DDO: variants seen among roughly 807,000 people sequenced by gnomAD.
The protein encoded by DDO is D-aspartate oxidase, DDO.
In DDO, 16 loss-of-function variants were observed where a neutral mutation model predicts 16.8. The observed-to-expected ratio is 0.95, with a 90% confidence interval of 0.65 to 1.45. DDO has a LOEUF of 1.45. Among genes scored for constraint, DDO ranks in the 40% most tolerant of loss-of-function variants. The pLI is 0.00. For missense variants in DDO, 429 were observed against 420.3 expected (o/e 1.02, Z -0.18); for synonymous variants, 180 against 167.2 (o/e 1.08, Z -0.59).
intron 4 of DDO, among the ~76,000 whole-genome samples, chr6:110,397,221 T>A (rs1302274779): frequency 6.6e-6 from 1 of 152,320 alleles, no homozygotes; most frequent in Non-Finnish European, 1.5e-5. Flanking sequence ...CTTTTATTTT[T>A]AAAAAAGTGC....
intron 3 of DDO, among the ~76,000 whole-genome samples, chr6:110,408,046 GT>G (rs545911020): frequency 6.6e-6 from 1 of 152,124 alleles, no homozygotes; most frequent in Non-Finnish European, 1.5e-5. Flanking sequence ...CCTCCTGCGT[GT>G]TTTTTTAACC....
At chr6:110,399,515 C>T (rs2114817676) in intron 4 of DDO, among the ~76,000 whole-genome samples, 1 of 152,334 alleles carries the variant, frequency 6.6e-6, no homozygotes, top group East Asian at 1.9e-4. Context: ...CCCCAGGTGT[C>T]GCCCCCTCAC....
intron 4 of DDO, among the ~76,000 whole-genome samples, chr6:110,393,962 G>C (rs1355895628): frequency 6.6e-6 from 1 of 152,154 alleles, no homozygotes; most frequent in Non-Finnish European, 1.5e-5. Flanking sequence ...AGTACCTGTA[G>C]TCTTTATTTA....
intron 4 of DDO, among the ~76,000 whole-genome samples, chr6:110,398,882 A>G (rs1773382347): frequency 6.6e-6 from 1 of 152,218 alleles, no homozygotes; most frequent in South Asian, 2.1e-4. Flanking sequence ...AGGATAAGGC[A>G]TGGCCTCTTG....
intron 4 of DDO, among the ~76,000 whole-genome samples, chr6:110,404,317 T>C (rs1346372490): frequency 3.3e-5 from 5 of 152,056 alleles, no homozygotes; most frequent in Non-Finnish European, 7.4e-5. Flanking sequence ...CAAAAGGAAA[T>C]AATGAAATTT....
At chr6:110,407,259 C>T (rs1773689308) in intron 3 of DDO, among the ~76,000 whole-genome samples, 2 of 152,102 alleles carry the variant, frequency 1.3e-5, no homozygotes, top group African/African-American at 4.8e-5. Flanking sequence ...AAGAGTGTGA[C>T]CGTAAATCAA....
intron 4 of DDO, among the ~76,000 whole-genome samples, chr6:110,403,743 AT>A: frequency 6.6e-6 from 1 of 152,296 alleles, no homozygotes. Context: ...TCTGTACTTT[AT>A]TTTACCATGT....
At position 110,413,411 on chromosome 6, in the gene DDO, T is replaced by G; in HGVS notation, c.52A>C (p.Thr18Pro). ...ACCAGTTTGGAGATGCACACAGCCG[T>G]GGAGAGCCCCACCACACCTGCCCCG... ...VVGAGVVGLS[T>P]AVCISKLVPR... The change falls in exon 2 of 5, where the codon ACG becomes CCG. Residue 18 changes from threonine (T) to proline (P), a missense_variant. Physicochemically the swap from Thr to Pro is conservative, Grantham distance 38. Transcript: ENST00000368924. 6.2e-7 allele frequency: 1 copy of G among 1,613,972 alleles called. No homozygotes were observed. Among genetic ancestry groups the G allele is most frequent in the Non-Finnish European group, 8.5e-7 (1 of 1,180,012 alleles).
intron 2 of DDO, among the ~76,000 whole-genome samples, chr6:110,408,663 A>T (rs1365260313): frequency 6.6e-6 from 1 of 152,238 alleles, no homozygotes; most frequent in Non-Finnish European, 1.5e-5. Context: ...ATCTGCTCAT[A>T]TGATTAATCA....
chr6:110,399,318 T>C (rs947678195), intron 4 of DDO, among the ~76,000 whole-genome samples: 7 of 152,380 alleles, frequency 4.6e-5, no homozygotes, highest in Admixed American at 1.3e-4. Flanking sequence ...CTGAAGCCAT[T>C]GCTGTGTGGC....
chr6:110,410,396 C>T (rs764235055), intron 2 of DDO, among the ~76,000 whole-genome samples: 7 of 152,344 alleles, frequency 4.6e-5, no homozygotes, highest in Admixed American at 2.6e-4. Context: ...CAAGAACTCT[C>T]GTCACAAGAA....
chr6:110,399,205 A>G (rs1270710085), intron 4 of DDO, among the ~76,000 whole-genome samples: 1 of 152,246 alleles, frequency 6.6e-6, no homozygotes, highest in Non-Finnish European at 1.5e-5. Context: ...TTGTTTGAGA[A>G]CAAGATGATC....
intron 4 of DDO, among the ~76,000 whole-genome samples, chr6:110,399,107 G>A (rs1773388879): frequency 6.6e-6 from 1 of 152,194 alleles, no homozygotes; most frequent in South Asian, 2.1e-4. Flanking sequence ...AATATGATAT[G>A]AAATATGACC....
At position 110,404,883 on chromosome 6, in the gene DDO, G is replaced by A. The variant is rs751834179; in HGVS notation, c.349C>T (p.Arg117Ter). ...TTCAGCTCAGCCTCAGTCATCTTTCGAAATCCCAGAACCACGTCAGCCCAG... is the reference window on the plus strand; with the variant it reads ...TTCAGCTCAGCCTCAGTCATCTTTCAAAATCCCAGAACCACGTCAGCCCAG... ...PFWADVVLGFRKMTEAELKKF... is the reference protein window; with the variant it reads ...PFWADVVLGF Residue 117 changes from arginine to a stop codon, truncating the protein, a stop_gained, in exon 4 of 5, where the codon CGA (arginine) becomes TGA (stop). Transcript: ENST00000368924. LOFTEE classifies it high-confidence loss of function. 1.9e-5 allele frequency: 30 copies of A among 1,614,044 alleles called. No homozygotes were observed. In the South Asian group the frequency reaches 2.4e-4, roughly 13 times the overall value.
At chr6:110,393,917 C>A (rs1773202738) in intron 4 of DDO, among the ~76,000 whole-genome samples, 1 of 152,058 alleles carries the variant, frequency 6.6e-6, no homozygotes, top group African/African-American at 2.4e-5. Context: ...TTTTTTGGAC[C>A]AACTATATCA....
intron 2 of DDO, among the ~76,000 whole-genome samples, chr6:110,412,436 G>A (rs759897571): frequency 6.6e-5 from 10 of 152,136 alleles, no homozygotes; most frequent in Non-Finnish European, 1.0e-4. Context: ...AGACAGAGCC[G>A]CCAATCATGT....
Position 110,392,374 on chromosome 6 carries a change from TG to T in DDO, c.*400del. 4 of 990,098 alleles carry T rather than the reference TG, an allele frequency of 4.0e-6. No homozygotes were observed. Among genetic ancestry groups the T allele is most frequent in the Non-Finnish European group, 4.8e-6 (4 of 833,386 alleles). 61.3% of individuals were successfully genotyped at this position (990,098 alleles called of 1,614,324 possible). ...ATTCATATAAATCTGCATAGGTCCT[TG>T]GACATCAGTTCTAAATAAATTTTAC... On this transcript the variant is annotated 3_prime_UTR_variant, in exon 5 of 5. Coordinates refer to ENST00000368924, the MANE Select transcript of DDO (RefSeq NM_001372108.2).
intron 3 of DDO, 131 bp downstream of exon 3, chr6:110,408,203 C>T: frequency 1.3e-6 from 1 of 767,392 alleles, no homozygotes; most frequent in East Asian, 2.7e-5. Flanking sequence ...CTATAATGCT[C>T]TTTCCGAATC....
Position 110,413,367 on chromosome 6 carries a change from G to A in DDO, c.96C>T (p.Thr32=). Residue 32 remains threonine (T), a synonymous_variant, in exon 2 of 5, where the codon ACC becomes ACT. Coordinates refer to ENST00000368924, the MANE Select transcript of DDO (RefSeq NM_001372108.2). The part of the protein sequence containing the change: ...ISKLVPRCSV[T]IISDKFTPDT... ...CTGGAGTAAACTTGTCTGAAATGATGGTAACGGAGCATCGGGGCACCAGTT... is the reference window on the plus strand; with the variant it reads ...CTGGAGTAAACTTGTCTGAAATGATAGTAACGGAGCATCGGGGCACCAGTT... 1 of 1,614,116 alleles carries A rather than the reference G, an allele frequency of 6.2e-7. No homozygotes were observed. The highest frequency in any genetic ancestry group is 8.5e-7 in the Non-Finnish European group (1 of 1,180,022).
Sources: gnomAD v4.1 joint callset for allele counts (sites outside exome capture counted in the v4.1 genomes callset) on GRCh38, gnomAD v4.1.1 for gene constraint, MANE v1.5 for transcripts, NCBI Gene and HGNC (gene_info 2026-07-23, HGNC 2026-07-21) for gene names.